Variants in C9orf85 observed in about 807,000 individuals in gnomAD.
C9orf85 encodes chromosome 9 open reading frame 85.
Under a neutral mutation model 14.9 loss-of-function variants are expected in C9orf85, and 16 were observed. That is an observed-to-expected ratio of 1.08 (90% CI 0.73 to 1.63). The LOEUF is 1.63. C9orf85 is among the 40% of genes most tolerant of loss of function. The pLI is 0.00. For missense variants in C9orf85, 172 were observed against 186.1 expected (o/e 0.92, Z 0.44); for synonymous variants, 45 against 56.8 (o/e 0.79, Z 0.93).
chr9:71,924,697 G>A (rs1374844046), intron 1 of C9orf85, among the ~76,000 whole-genome samples: 1 of 152,110 alleles, frequency 6.6e-6, no homozygotes, highest in Non-Finnish European at 1.5e-5. Context: ...TGTCTGTCTT[G>A]TTTGTTTTTA....
downstream of C9orf85, chr9:71,984,346 G>A (rs958496581): frequency 5.9e-5 from 9 of 152,160 alleles, no homozygotes; most frequent in Non-Finnish European, 1.0e-4. Flanking sequence ...GCAATCTCTG[G>A]TTGATGCAGT....
At chr9:71,936,364 G>A (rs1473033467) in intron 1 of C9orf85, among the ~76,000 whole-genome samples, 9 of 152,168 alleles carry the variant, frequency 5.9e-5, no homozygotes, top group African/African-American at 2.2e-4. Flanking sequence ...AGGGTTGAGA[G>A]AGAAAGTTGA....
At chr9:71,918,604 A>G in intron 1 of C9orf85, 1 of 371,296 alleles carries the variant, frequency 2.7e-6, no homozygotes, top group African/African-American at 2.2e-5. Context: ...CCCAACTCTC[A>G]CATTACCACC....
At chr9:71,972,216 A>T (rs1362513248) in intron 3 of C9orf85, among the ~76,000 whole-genome samples, 1 of 152,150 alleles carries the variant, frequency 6.6e-6, no homozygotes, top group Non-Finnish European at 1.5e-5. Context: ...AGCCTACTTT[A>T]GTGACAATAG....
rs566264315 is a variant in C9orf85, at chr9:71,920,481, A to G, written c.102+8645A>G. 2.0e-3 allele frequency among the ~76,000 whole-genome samples: 305 copies of G among 152,320 alleles called. 4 individuals carry two copies. The highest frequency in any genetic ancestry group is 7.0e-3 in the South Asian group (34 of 4,824). On this transcript the variant is annotated intron_variant, in intron 1 of 3. Transcript: ENST00000334731. ...TTGTAATTAATATGAATTCACCCCC[A>G]AATGGGCCATTTTCCTTTTAGAGAA...
chr9:71,932,937 C>T (rs1366574136), intron 1 of C9orf85, among the ~76,000 whole-genome samples: 6 of 151,664 alleles, frequency 4.0e-5, no homozygotes, highest in Non-Finnish European at 7.4e-5. Context: ...AAAAAGAAAC[C>T]AAAAAGAAAT....
chr9:71,924,863 A>C (rs957984060), intron 1 of C9orf85, among the ~76,000 whole-genome samples: 1 of 152,228 alleles, frequency 6.6e-6, no homozygotes, highest in Admixed American at 6.5e-5. Flanking sequence ...GAATGACATA[A>C]TAATGCTAAA....
At chr9:71,960,917 T>TTTTTC (rs972415317) in intron 2 of C9orf85, among the ~76,000 whole-genome samples, 3 of 151,660 alleles carry the variant, frequency 2.0e-5, no homozygotes, top group African/African-American at 7.3e-5. Flanking sequence ...CAAATTGTTT[T>TTTTTC]TTTTTTTTTT....
chr9:71,935,293 T>TA (rs1271136305), intron 1 of C9orf85, among the ~76,000 whole-genome samples: 1 of 152,178 alleles, frequency 6.6e-6, no homozygotes, highest in Non-Finnish European at 1.5e-5. Context: ...AGCAGGGTCT[T>TA]AGAGATATTT....
intron 1 of C9orf85, among the ~76,000 whole-genome samples, chr9:71,930,666 A>G (rs1401718947): frequency 2.0e-5 from 3 of 151,510 alleles, no homozygotes; most frequent in African/African-American, 7.3e-5. Context: ...ATAGCCAGGC[A>G]TGGTGGCACA....
Position 71,972,799 on chromosome 9 carries a change from A to T in C9orf85, c.431A>T (p.Asp144Val). 1 of 1,610,974 alleles carries T rather than the reference A, an allele frequency of 6.2e-7. No homozygotes were observed. The highest frequency in any genetic ancestry group is 8.5e-7 in the Non-Finnish European group (1 of 1,178,660). The change falls in exon 4 of 4, where the codon GAT becomes GTT. Residue 144 changes from aspartate to valine, a missense_variant. Asp to Val is a radical substitution (Grantham distance 152). Transcript: ENST00000334731. ...NEESDDDLDF[D>V]IDLEDTGGDH... ...GAAAGTGATGATGATTTAGATTTTGATATTGATTTAGAAGACACAGGAGGA... is the reference window on the plus strand; with the variant it reads ...GAAAGTGATGATGATTTAGATTTTGTTATTGATTTAGAAGACACAGGAGGA...
At position 71,950,496 on chromosome 9, in the gene C9orf85, T is replaced by C. The variant is rs145966195; in HGVS notation, c.209+3384T>C. Among the ~76,000 whole-genome samples, 349 of 152,106 alleles carry C rather than the reference T, an allele frequency of 2.3e-3. 1 individual carries two copies. Among genetic ancestry groups the C allele is most frequent in the Non-Finnish European group, 2.3e-3 (157 of 68,000 alleles). ...GATTCTTCTGCCTCAGCCTCTGGAG[T>C]AGCTGGGACTACAGGCACACACATG... On this transcript the variant is annotated intron_variant, in intron 2 of 3. Transcript: ENST00000334731.
downstream of C9orf85, among the ~76,000 whole-genome samples, chr9:71,974,966 G>T (rs939086307): frequency 2.6e-5 from 4 of 152,082 alleles, no homozygotes; most frequent in African/African-American, 9.7e-5. Flanking sequence ...AATTTAAGTG[G>T]AATGTTATTT....
intron 3 of C9orf85, among the ~76,000 whole-genome samples, 177 bp downstream of exon 3, chr9:71,971,795 A>C (rs1822875220): frequency 6.6e-6 from 1 of 152,018 alleles, no homozygotes; most frequent in Non-Finnish European, 1.5e-5. Flanking sequence ...AAGATGGTGA[A>C]ACCTCATCTC....
intron 1 of C9orf85, among the ~76,000 whole-genome samples, chr9:71,928,203 A>G (rs748220362): frequency 5.3e-5 from 8 of 151,572 alleles, no homozygotes; most frequent in Non-Finnish European, 1.0e-4. Flanking sequence ...AAAAAAAAAA[A>G]AAAAAAAAAA....
At chr9:71,914,131 A>G (rs2132238640) in intron 1 of C9orf85, among the ~76,000 whole-genome samples, 1 of 152,284 alleles carries the variant, frequency 6.6e-6, no homozygotes, top group Middle Eastern at 3.4e-3. Flanking sequence ...GAAGCATCTG[A>G]TCCTAACTTT....
downstream of C9orf85, chr9:71,973,533 C>A (rs1822944768): frequency 1.3e-5 from 2 of 152,252 alleles, no homozygotes; most frequent in Admixed American, 1.3e-4. Context: ...AAGCGTATAG[C>A]AATTCTGCTT....
Position 71,947,085 on chromosome 9 carries a change from A to G in C9orf85, c.182A>G (p.Tyr61Cys). ...VLEWRVKYSK[Y>C]KPLSKPKKCV... ...GAGTGGCGTGTAAAATACAGCAAAT[A>G]CAAACCATTATCAAAACCTAAAAAG... The change falls in exon 2 of 4, where the codon TAC becomes TGC. Residue 61 changes from tyrosine (Y) to cysteine (C), a missense_variant. Coordinates refer to ENST00000334731, the MANE Select transcript of C9orf85 (RefSeq NM_182505.5). 9 of 1,612,890 alleles carry G rather than the reference A, an allele frequency of 5.6e-6. No individual in the cohort carries two copies. Among genetic ancestry groups the G allele is most frequent in the Non-Finnish European group, 7.6e-6 (9 of 1,179,138 alleles).
intron 3 of C9orf85, among the ~76,000 whole-genome samples, chr9:71,981,585 G>A (rs1278363555): frequency 6.6e-6 from 1 of 152,164 alleles, no homozygotes; most frequent in South Asian, 2.1e-4. Context: ...ACTTAACATT[G>A]TTAGTAGACT....
Sources: gnomAD v4.1 joint callset for allele counts (sites outside exome capture counted in the v4.1 genomes callset) on GRCh38, gnomAD v4.1.1 for gene constraint, MANE v1.5 for transcripts, NCBI Gene and HGNC (gene_info 2026-07-23, HGNC 2026-07-21) for gene names.